Variants in PDE1C observed in about 807,000 individuals in gnomAD.
PDE1C encodes dual specificity calcium/calmodulin-dependent 3',5'-cyclic nucleotide phosphodiesterase 1C.
Under a neutral mutation model 93.1 loss-of-function variants are expected in PDE1C, and 62 were observed. The observed-to-expected ratio is 0.67, with a 90% CI of 0.54 to 0.82. The LOEUF (loss-of-function observed/expected upper bound fraction) is 0.82, where lower values mean the gene tolerates loss of function less well. Ranked by LOEUF, PDE1C falls within the 40% of genes least tolerant of loss-of-function variation. The probability of loss-of-function intolerance (pLI) is 0.00; values close to 1 mark genes in which losing one functional copy is unlikely to be tolerated. For missense variants in PDE1C, 742 were observed against 884.6 expected (o/e 0.84, Z 2.04); for synonymous variants, 325 against 310.1 (o/e 1.05, Z -0.50).
At chr7:31,974,083 G>GT (rs1003619448) in intron 2 of PDE1C, among the ~76,000 whole-genome samples, 1 of 152,076 alleles carries the variant, frequency 6.6e-6, no homozygotes, top group African/African-American at 2.4e-5. Context: ...TGTGGGCAAT[G>GT]TTTTTTTCTG....
At chr7:31,680,404 G>A in the PDE1C span, among the ~76,000 whole-genome samples, 1 of 152,172 alleles carries the variant, frequency 6.6e-6, no homozygotes, top group African/African-American at 2.4e-5. Context: ...AGCCTGTTAT[G>A]GAGTGAAGTG....
chr7:32,283,096 T>C (rs1171173325), intron 1 of PDE1C, among the ~76,000 whole-genome samples: 1 of 152,190 alleles, frequency 6.6e-6, no homozygotes, highest in African/African-American at 2.4e-5. Context: ...TATAAAGATG[T>C]AGAGACAATG....
At chr7:31,634,857 G>C in the PDE1C span, among the ~76,000 whole-genome samples, 1 of 152,198 alleles carries the variant, frequency 6.6e-6, no homozygotes, top group Non-Finnish European at 1.5e-5. Context: ...AGCAGAGTAA[G>C]GAAGAACTGT....
At chr7:32,272,937 A>G (rs1811058256) in intron 1 of PDE1C, among the ~76,000 whole-genome samples, 2 of 152,246 alleles carry the variant, frequency 1.3e-5, no homozygotes, top group East Asian at 3.9e-4. Flanking sequence ...GGTCTATACT[A>G]TAATATTAAC....
intron 2 of PDE1C, among the ~76,000 whole-genome samples, chr7:31,947,228 G>T (rs780221582): frequency 6.6e-6 from 1 of 152,058 alleles, no homozygotes; most frequent in Admixed American, 6.6e-5. Flanking sequence ...GAATGGATTG[G>T]GTACAAAGAC....
At chr7:32,280,097 T>C (rs775865093) in intron 1 of PDE1C, among the ~76,000 whole-genome samples, 3 of 152,112 alleles carry the variant, frequency 2.0e-5, no homozygotes, top group Non-Finnish European at 2.9e-5. Context: ...AGAAGTAGAT[T>C]TGGGGAGATT....
intron 2 of PDE1C, among the ~76,000 whole-genome samples, chr7:32,189,253 C>A (rs1804074568): frequency 6.6e-6 from 1 of 152,180 alleles, no homozygotes; most frequent in Admixed American, 6.5e-5. Context: ...ACTTCAACAG[C>A]ATTCATTTAG....
intron 1 of PDE1C, among the ~76,000 whole-genome samples, chr7:32,260,091 G>A (rs6975208): frequency 0.28 from 42,874 of 152,058 alleles, 6,420 homozygotes; most frequent in East Asian, 0.45. Context: ...GTTTCCAGGC[G>A]GACTGATAGG....
chr7:31,736,606 G>C, the PDE1C span, among the ~76,000 whole-genome samples: 1 of 152,168 alleles, frequency 6.6e-6, no homozygotes, highest in Non-Finnish European at 1.5e-5. Context: ...GCAGTTGCTT[G>C]CTAATGCTAG....
intron 3 of PDE1C, among the ~76,000 whole-genome samples, chr7:32,167,585 G>A (rs1802379637): frequency 6.6e-6 from 1 of 152,132 alleles, no homozygotes; most frequent in South Asian, 2.1e-4. Context: ...GATGATTCTT[G>A]AACCCAGCCT....
At chr7:32,274,765 A>G (rs1811177101) in intron 1 of PDE1C, among the ~76,000 whole-genome samples, 1 of 152,226 alleles carries the variant, frequency 6.6e-6, no homozygotes, top group South Asian at 2.1e-4. Context: ...TACTTTTCAA[A>G]GAAACTGAAA....
chr7:32,111,399 A>G (rs1020569920), intron 3 of PDE1C, among the ~76,000 whole-genome samples: 1 of 152,184 alleles, frequency 6.6e-6, no homozygotes, highest in East Asian at 1.9e-4. Context: ...AAAATTGTGT[A>G]AGGTACAAAG....
At chr7:32,189,564 G>T (rs1162401143) in intron 2 of PDE1C, among the ~76,000 whole-genome samples, 1 of 152,092 alleles carries the variant, frequency 6.6e-6, no homozygotes, top group African/African-American at 2.4e-5. Flanking sequence ...AAGTTCCAGG[G>T]CTGATTTTTA....
At chr7:32,035,654 G>A (rs542183456) in intron 2 of PDE1C, among the ~76,000 whole-genome samples, 13 of 152,254 alleles carry the variant, frequency 8.5e-5, no homozygotes, top group East Asian at 3.9e-4. Context: ...ATTTCCTTGC[G>A]GGGGTAAAGA....
chr7:32,201,549 T>A (rs1361966703), intron 2 of PDE1C, among the ~76,000 whole-genome samples: 3 of 152,162 alleles, frequency 2.0e-5, no homozygotes, highest in Non-Finnish European at 4.4e-5. Context: ...CGTGAGATGC[T>A]GAGGACAAGG....
At chr7:32,147,984 TAA>T (rs752433564) in intron 3 of PDE1C, among the ~76,000 whole-genome samples, 1,694 of 79,688 alleles carry the variant, frequency 0.021, 54 homozygotes, top group Admixed American at 0.051. Context: ...CCATTTATGC[TAA>T]AAAAAAAAAA....
intron 2 of PDE1C, among the ~76,000 whole-genome samples, chr7:31,934,069 G>T (rs1804691269): frequency 6.6e-6 from 1 of 152,092 alleles, no homozygotes; most frequent in Non-Finnish European, 1.5e-5. Flanking sequence ...ATTCAAGATG[G>T]TATGAAAAGA....
intron 1 of PDE1C, among the ~76,000 whole-genome samples, chr7:32,313,669 C>A (rs546873972): frequency 6.7e-6 from 1 of 150,224 alleles, no homozygotes; most frequent in South Asian, 2.1e-4. Context: ...AACCAAACAC[C>A]GCATGTTCTC....
At chr7:32,411,835 AATT>A (rs1443808443) in intron 1 of PDE1C, among the ~76,000 whole-genome samples, 3 of 146,832 alleles carry the variant, frequency 2.0e-5, no homozygotes, top group Non-Finnish European at 4.4e-5. Context: ...TGCAAAAAAA[AATT>A]ATTTTCTTTA....
Sources: gnomAD v4.1 joint callset for allele counts (sites outside exome capture counted in the v4.1 genomes callset) on GRCh38, gnomAD v4.1.1 for gene constraint, MANE v1.5 for transcripts, NCBI Gene and HGNC (gene_info 2026-07-23, HGNC 2026-07-21) for gene names.